The following KCNMA1 variants were observed in gnomAD, a reference collection of about 807,000 sequenced individuals.
KCNMA1 encodes potassium calcium-activated channel subfamily M alpha 1, also known as Calcium-activated potassium channel subunit alpha-1.
A neutral mutation model predicts 140.0 loss-of-function variants in KCNMA1; 29 were observed. That is an observed-to-expected ratio of 0.21 (90% CI 0.15 to 0.28). KCNMA1 has a LOEUF of 0.28. Ranked by LOEUF, KCNMA1 falls within the 10% of genes least tolerant of loss-of-function variation. The pLI, the probability that KCNMA1 is intolerant of heterozygous loss-of-function variation, is 1.00. For synonymous variants in KCNMA1, 612 were observed against 611.9 expected (o/e 1.00, Z 0.00); for missense variants, 880 against 1,602.2 (o/e 0.55, Z 7.70).
At chr10:76,883,727 T>TTTG (rs2035599162), downstream of KCNMA1, among the ~76,000 whole-genome samples, 1 of 149,644 alleles carries the variant, frequency 6.7e-6, no homozygotes, top group African/African-American at 2.5e-5. Flanking sequence ...CCTTGTTTTT[T>TTTG]TTTTTTTTTT....
At chr10:76,927,416 C>T (rs1331741146) in intron 23 of KCNMA1, among the ~76,000 whole-genome samples, 1 of 152,158 alleles carries the variant, frequency 6.6e-6, no homozygotes, top group Non-Finnish European at 1.5e-5. Context: ...CTCTCATAAT[C>T]CAGGCAATAT....
intron 1 of KCNMA1, among the ~76,000 whole-genome samples, chr10:77,633,639 G>A (rs896826414): frequency 2.0e-5 from 3 of 152,130 alleles, no homozygotes; most frequent in Admixed American, 1.3e-4. Flanking sequence ...TATTAGTCAC[G>A]AGCCTGACAG....
At chr10:77,474,563 A>G (rs183695609) in intron 1 of KCNMA1, among the ~76,000 whole-genome samples, 6 of 152,228 alleles carry the variant, frequency 3.9e-5, no homozygotes, top group Admixed American at 2.0e-4. Flanking sequence ...CACCCAGGCG[A>G]TGGTCCTTTG....
chr10:76,996,110 T>C (rs1307962514), intron 19 of KCNMA1, among the ~76,000 whole-genome samples: 1 of 152,190 alleles, frequency 6.6e-6, no homozygotes, highest in Non-Finnish European at 1.5e-5. Flanking sequence ...GCCAGTGACT[T>C]TACCTGACAC....
At chr10:77,339,171 C>T (rs678816) in intron 2 of KCNMA1, among the ~76,000 whole-genome samples, 24,970 of 149,218 alleles carry the variant, frequency 0.17, 2,689 homozygotes, top group Admixed American at 0.24. Flanking sequence ...CATAGGTATG[C>T]AATAAAGGAA....
chr10:77,622,225 G>T (rs755012346), intron 1 of KCNMA1, among the ~76,000 whole-genome samples: 8 of 152,160 alleles, frequency 5.3e-5, no homozygotes, highest in Non-Finnish European at 8.8e-5. Context: ...ACATACCTGA[G>T]AATTCAGTAG....
At chr10:77,559,107 T>C (rs950317549) in intron 1 of KCNMA1, among the ~76,000 whole-genome samples, 1 of 152,132 alleles carries the variant, frequency 6.6e-6, no homozygotes, top group African/African-American at 2.4e-5. Context: ...TGTTCAGACA[T>C]CTCCCACCTG....
At chr10:77,101,268 G>A (rs955235609) in intron 9 of KCNMA1, among the ~76,000 whole-genome samples, 1 of 152,050 alleles carries the variant, frequency 6.6e-6, no homozygotes, top group Non-Finnish European at 1.5e-5. Context: ...CTACCCCTCA[G>A]CACCACGTTT....
chr10:76,907,925 C>G (rs1008712398), intron 25 of KCNMA1, among the ~76,000 whole-genome samples: 1 of 152,096 alleles, frequency 6.6e-6, no homozygotes, highest in African/African-American at 2.4e-5. Context: ...AATTATGTAG[C>G]CAGTCCTGCT....
At chr10:77,490,906 T>A (rs145932538) in intron 1 of KCNMA1, among the ~76,000 whole-genome samples, 48 of 152,278 alleles carry the variant, frequency 3.2e-4, no homozygotes, top group African/African-American at 1.1e-3. Context: ...ATCTTGACCT[T>A]GCTTTTACCT....
intron 2 of KCNMA1, among the ~76,000 whole-genome samples, chr10:77,260,457 C>T (rs1469595626): frequency 6.6e-6 from 1 of 152,150 alleles, no homozygotes; most frequent in Non-Finnish European, 1.5e-5. Context: ...GTCTGTAATC[C>T]CAGTACTTTG....
intron 25 of KCNMA1, among the ~76,000 whole-genome samples, chr10:76,906,172 A>AAGTGG (rs769675479): frequency 3.9e-5 from 6 of 152,030 alleles, no homozygotes; most frequent in African/African-American, 1.5e-4. Flanking sequence ...TTCAGGGTCC[A>AAGTGG]AGTGGAGCTT....
chr10:77,448,241 G>A (rs757992126), intron 1 of KCNMA1, among the ~76,000 whole-genome samples: 26 of 152,182 alleles, frequency 1.7e-4, no homozygotes, highest in Non-Finnish European at 2.9e-4. Flanking sequence ...ACTGTCTCCT[G>A]CATGGAGAGG....
chr10:77,366,904 T>C (rs1052542970), intron 2 of KCNMA1, among the ~76,000 whole-genome samples: 2 of 152,240 alleles, frequency 1.3e-5, no homozygotes, highest in African/African-American at 4.8e-5. Flanking sequence ...TCACTATTTC[T>C]ATAAAGTCAG....
chr10:77,038,080 T>C (rs1010226918), intron 15 of KCNMA1, among the ~76,000 whole-genome samples: 2 of 152,108 alleles, frequency 1.3e-5, no homozygotes, highest in Non-Finnish European at 2.9e-5. Context: ...GGGTGAGAAA[T>C]TTCAGTAAAC....
intron 20 of KCNMA1, among the ~76,000 whole-genome samples, chr10:76,965,092 T>A (rs929193617): frequency 1.3e-4 from 20 of 152,188 alleles, no homozygotes; most frequent in Non-Finnish European, 2.8e-4. Context: ...TTGACCTAGC[T>A]ATTTAGAGAC....
intron 2 of KCNMA1, among the ~76,000 whole-genome samples, chr10:77,325,040 T>C (rs75831112): frequency 6.6e-6 from 1 of 151,700 alleles, no homozygotes; most frequent in East Asian, 1.9e-4. Flanking sequence ...ATTGATTTTT[T>C]ATTTTGAACT....
chr10:77,181,314 C>T (rs1387076220), intron 5 of KCNMA1, among the ~76,000 whole-genome samples: 5 of 152,130 alleles, frequency 3.3e-5, no homozygotes, highest in Non-Finnish European at 7.4e-5. Flanking sequence ...TCTCCCCTTC[C>T]CCATCGATTT....
intron 3 of KCNMA1, among the ~76,000 whole-genome samples, chr10:77,244,368 C>A (rs1320316988): frequency 2.0e-5 from 3 of 152,188 alleles, no homozygotes; most frequent in African/African-American, 7.2e-5. Context: ...CCTGTCCTTT[C>A]CTAGCATAGT....
Sources: allele counts gnomAD v4.1 joint callset (sites outside exome capture counted in the v4.1 genomes callset), GRCh38; gene constraint gnomAD v4.1.1; transcripts MANE v1.5; gene names NCBI Gene and HGNC (gene_info 2026-07-23, HGNC 2026-07-21).